Variants in RELN observed in about 807,000 individuals in gnomAD.
The protein encoded by RELN is reelin.
RELN carries 108 observed loss-of-function variants against 427.6 expected under a neutral mutation model. The ratio of observed to expected loss-of-function variants is 0.25; its 90% CI spans 0.22 to 0.30. RELN has a LOEUF of 0.30. Ranked by LOEUF, RELN falls within the 10% of genes least tolerant of loss-of-function variation. The probability of loss-of-function intolerance (pLI) is 1.00; values close to 1 mark genes in which losing one functional copy is unlikely to be tolerated. For synonymous variants in RELN, 1,524 were observed against 1,513.4 expected (o/e 1.01, Z -0.16); for missense variants, 3,715 against 4,302.8 (o/e 0.86, Z 3.82).
In RELN at chr7:103,486,449, T is replaced by G. The variant is rs767169097; in HGVS notation, c.9764-33A>C. 4.7e-6 allele frequency: 7 copies of G among 1,500,988 alleles called. No individual in the cohort carries two copies. In the Admixed American group the frequency reaches 1.0e-4, roughly 22 times the overall value. The allele number at this position is 1,500,988 out of a possible 1,614,324, so 93.0% of individuals were successfully genotyped here. On this transcript the variant is annotated intron_variant, in intron 60 of 64. Transcript: ENST00000428762. ...ACAAGGAGCAGTCACAGAAATTAAGTGGACCAACCAGAGTCATTCAAGATT... is the reference window on the plus strand; with the variant it reads ...ACAAGGAGCAGTCACAGAAATTAAGGGGACCAACCAGAGTCATTCAAGATT...
At chr7:103,985,084 CTTTCT>C (rs1797069243) in intron 1 of RELN, among the ~76,000 whole-genome samples, 3 of 152,078 alleles carry the variant, frequency 2.0e-5, no homozygotes, top group Admixed American at 6.6e-5. Context: ...CTGATTATAC[CTTTCT>C]TTTAAGTAAA....
At chr7:103,815,846 T>C (rs1191646882) in intron 3 of RELN, among the ~76,000 whole-genome samples, 1 of 152,250 alleles carries the variant, frequency 6.6e-6, no homozygotes, top group Admixed American at 6.5e-5. Flanking sequence ...AAAAGCTCTG[T>C]GTAAATGGAT....
chr7:103,838,541 AAATCACAGAGTGCCCAAGGAGACTC>A (rs1381488610), intron 2 of RELN, among the ~76,000 whole-genome samples: 8 of 152,176 alleles, frequency 5.3e-5, no homozygotes, highest in African/African-American at 1.9e-4. Context: ...AGTCCCAGGA[AAATCACAGAGTGCCCAAGGAGACTC>A]AATAGCGTGA....
intron 2 of RELN, among the ~76,000 whole-genome samples, chr7:103,897,399 G>A (rs1049874710): frequency 4.6e-5 from 7 of 151,968 alleles, no homozygotes; most frequent in Admixed American, 6.6e-5. Flanking sequence ...TTGTGTGTTC[G>A]TCTTCTGTGC....
intron 2 of RELN, among the ~76,000 whole-genome samples, chr7:103,864,300 C>G (rs1286080994): frequency 6.6e-6 from 1 of 152,148 alleles, no homozygotes; most frequent in Non-Finnish European, 1.5e-5. Flanking sequence ...GTAGTAAGAA[C>G]ACTTAATACG....
At chr7:103,697,725 A>G (rs1834007020) in intron 10 of RELN, 128 bp downstream of exon 10, 1 of 1,254,422 alleles carries the variant, frequency 8.0e-7, no homozygotes, top group Admixed American at 2.1e-5. Flanking sequence ...ATAAATAAGT[A>G]TATTATCTGG....
At chr7:103,949,809 T>C (rs953172288) in intron 1 of RELN, among the ~76,000 whole-genome samples, 3 of 152,194 alleles carry the variant, frequency 2.0e-5, no homozygotes, top group East Asian at 1.9e-4. Context: ...CTTCCTACTC[T>C]ACACCTCTCA....
intron 2 of RELN, among the ~76,000 whole-genome samples, chr7:103,872,004 C>A (rs1431692719): frequency 6.9e-6 from 1 of 144,758 alleles, no homozygotes; most frequent in Non-Finnish European, 1.5e-5. Flanking sequence ...ATTCTATCTA[C>A]AGTATATGAA....
At chr7:103,779,739 T>C (rs1388158967) in intron 3 of RELN, among the ~76,000 whole-genome samples, 1 of 152,202 alleles carries the variant, frequency 6.6e-6, no homozygotes, top group East Asian at 1.9e-4. Context: ...TCCTTCTTTC[T>C]TTCTGTTGAG....
In RELN at chr7:103,953,369, T is replaced by C. The variant is rs1308322410; in HGVS notation, c.226+35762A>G. On this transcript the variant is annotated intron_variant, in intron 1 of 64. Transcript: ENST00000428762. The surrounding 1 kb of genome is among the most constrained non-coding windows in gnomAD (Gnocchi z 4.3). The stretch of plus-strand genomic sequence containing the variant: ...GTATTGCACTCTCTGCCACAGACCA[T>C]CAAGAAGACTCAAGACAACTCAGAT... 6.6e-6 allele frequency among the ~76,000 whole-genome samples: 1 copy of C among 152,164 alleles called. No individual in the cohort carries two copies. The highest frequency in any genetic ancestry group is 6.6e-5 in the Admixed American group (1 of 15,264).
intron 11 of RELN, among the ~76,000 whole-genome samples, chr7:103,673,566 T>TTGAATAGAAGTA (rs1833441944): frequency 1.3e-5 from 2 of 152,192 alleles, no homozygotes; most frequent in Non-Finnish European, 2.9e-5. Flanking sequence ...CTTGAATATC[T>TTGAATAGAAGTA]CATCTTCCTC....
intron 28 of RELN, among the ~76,000 whole-genome samples, chr7:103,577,288 C>A (rs1165867062): frequency 6.6e-6 from 1 of 152,132 alleles, no homozygotes; most frequent in African/African-American, 2.4e-5. Flanking sequence ...CAGCAATGAA[C>A]CATAACCTTG....
intron 2 of RELN, among the ~76,000 whole-genome samples, chr7:103,890,334 A>T (rs770315145): frequency 1.3e-5 from 2 of 152,036 alleles, no homozygotes; most frequent in African/African-American, 2.4e-5. Context: ...GGTGTCCCCA[A>T]CTGCAGGGCC....
chr7:103,519,188 C>G (rs550131862), intron 49 of RELN, 135 bp downstream of exon 49: 2 of 702,552 alleles, frequency 2.8e-6, no homozygotes, highest in Admixed American at 2.3e-5. Flanking sequence ...GCTCAGAAAC[C>G]CTTCTTCATT....
chr7:103,649,431 G>T (rs1832866113), intron 16 of RELN, among the ~76,000 whole-genome samples: 1 of 151,984 alleles, frequency 6.6e-6, no homozygotes, highest in Admixed American at 6.6e-5. Flanking sequence ...GACTCAGAAA[G>T]GTGGGAGGAT....
chr7:103,677,765 C>CAA (rs60678229), intron 11 of RELN, among the ~76,000 whole-genome samples: 16,040 of 56,028 alleles, frequency 0.29, 3,530 homozygotes, highest in Non-Finnish European at 0.38. Context: ...GAATCTGTCT[C>CAA]AAAAAAAAAA....
chr7:103,595,087 T>C (rs1831507376), intron 25 of RELN, among the ~76,000 whole-genome samples: 1 of 152,222 alleles, frequency 6.6e-6, no homozygotes, highest in Admixed American at 6.5e-5. Flanking sequence ...AACTATATTT[T>C]AAAATAATTT....
intron 11 of RELN, among the ~76,000 whole-genome samples, chr7:103,670,007 A>C (rs1833355536): frequency 6.6e-6 from 1 of 152,158 alleles, no homozygotes; most frequent in Non-Finnish European, 1.5e-5. Flanking sequence ...CAAGGTCACA[A>C]TAATATTTAA....
intron 2 of RELN, among the ~76,000 whole-genome samples, chr7:103,888,852 T>C (rs190072581): frequency 2.6e-5 from 4 of 152,282 alleles, no homozygotes; most frequent in Non-Finnish European, 1.5e-5. Context: ...AGCACTCCGT[T>C]TCCCAGATCC....
Sources: allele counts gnomAD v4.1 joint callset (sites outside exome capture counted in the v4.1 genomes callset), GRCh38; gene constraint gnomAD v4.1.1; non-coding constraint Gnocchi (gnomAD v3.1); transcripts MANE v1.5; gene names NCBI Gene and HGNC (gene_info 2026-07-23, HGNC 2026-07-21).